The following MNAT1 variants were observed in gnomAD, a reference collection of about 807,000 sequenced individuals.
The protein encoded by MNAT1 is MNAT1 component of CDK activating kinase.
Under a neutral mutation model 42.0 loss-of-function variants are expected in MNAT1, and 43 were observed. That is an observed-to-expected ratio of 1.02 (90% CI 0.80 to 1.32). The LOEUF (loss-of-function observed/expected upper bound fraction) is 1.32. Ranked by LOEUF, MNAT1 falls within the 40% of genes most tolerant of loss-of-function variation. The pLI is 0.00. For synonymous variants in MNAT1, 118 were observed against 120.0 expected, an observed-to-expected ratio of 0.98 and a Z score of 0.11; for missense variants, 306 against 350.4, an observed-to-expected ratio of 0.87 and a Z score of 1.01.
At chr14:60,838,043 C>T (rs1278714635) in intron 6 of MNAT1, among the ~76,000 whole-genome samples, 4 of 152,230 alleles carry the variant, frequency 2.6e-5, no homozygotes, top group East Asian at 3.9e-4. Flanking sequence ...TATGACCTCT[C>T]ACTTTTTTTT....
chr14:60,813,461 G>A (rs2032618471), intron 5 of MNAT1, among the ~76,000 whole-genome samples: 1 of 152,150 alleles, frequency 6.6e-6, no homozygotes, highest in African/African-American at 2.4e-5. Flanking sequence ...TCACATGTTG[G>A]CTCAGGGTTA....
Position 60,798,137 on chromosome 14 carries a change from T to G in MNAT1, c.293T>G (p.Phe98Cys), listed in dbSNP as rs763248321. ...DFPSLREYND[F>C]LEEVEEIVFN... The stretch of plus-strand genomic sequence containing the variant: ...CCTAGTCTAAGAGAATACAATGATT[T>G]CTTGGAAGAAGTGGAAGAAATTGGT... Residue 98 changes from phenylalanine (F) to cysteine (C), a missense_variant, in exon 3 of 8, where the codon TTC (phenylalanine) becomes TGC (cysteine). Transcript: ENST00000261245. 6.6e-7 allele frequency: 1 copy of G among 1,518,752 alleles called. No individual in the cohort carries two copies. Among genetic ancestry groups the G allele is most frequent in the Non-Finnish European group, 9.1e-7 (1 of 1,096,054 alleles). 94.1% of individuals were successfully genotyped at this position (1,518,752 alleles called of 1,614,324 possible). A position where few individuals can be genotyped will look rare whatever the true frequency, so the allele number is the denominator to read the frequency against.
rs181394962 is a variant in MNAT1 at position 60,817,353 on chromosome 14, G to A, written c.562-1369G>A. Among the ~76,000 whole-genome samples, 37 of 151,734 alleles carry A rather than the reference G, an allele frequency of 2.4e-4. No individual in the cohort carries two copies. The South Asian group carries it at 2.9e-3, about 12-fold the overall frequency. On this transcript the variant is annotated intron_variant, in intron 5 of 7. Transcript: ENST00000261245. ...AAAGGTATTCTAGTATATTCTCCTC[G>A]TACTATATTTCATCACTTTTCCTTC...
intron 5 of MNAT1, among the ~76,000 whole-genome samples, chr14:60,818,453 T>C (rs1261442787): frequency 6.6e-6 from 1 of 152,018 alleles, no homozygotes; most frequent in Non-Finnish European, 1.5e-5. Flanking sequence ...TTTTTCGTTT[T>C]AATAAATGTG....
At chr14:60,961,771 A>C (rs964354125) in intron 7 of MNAT1, among the ~76,000 whole-genome samples, 4 of 152,118 alleles carry the variant, frequency 2.6e-5, no homozygotes, top group Non-Finnish European at 4.4e-5. Context: ...AATGAGCTGC[A>C]TGTATCTAAA....
chr14:60,861,089 A>G (rs568756918), intron 6 of MNAT1, among the ~76,000 whole-genome samples: 1 of 152,274 alleles, frequency 6.6e-6, no homozygotes, highest in Admixed American at 6.5e-5. Context: ...TATAGATATT[A>G]TCAATTTTTA....
chr14:60,914,561 A>AC (rs386381524), intron 7 of MNAT1, among the ~76,000 whole-genome samples: 2 of 151,426 alleles, frequency 1.3e-5, no homozygotes, highest in Non-Finnish European at 2.9e-5. Context: ...TATGGTAAAA[A>AC]AAAAAATCTG....
chr14:60,772,076 C>T (rs1416210824), intron 1 of MNAT1, among the ~76,000 whole-genome samples: 1 of 152,140 alleles, frequency 6.6e-6, no homozygotes, highest in African/African-American at 2.4e-5. Flanking sequence ...TTTTTAAGGG[C>T]TCTAAGATTA....
chr14:60,818,715 C>A lies in MNAT1; in HGVS notation c.562-7C>A. ...CATTTCTTATTGAACTTGAACTATTCTTACAGGAGAGTTCTGATCTCCCTG... is the reference window on the plus strand; with the variant it reads ...CATTTCTTATTGAACTTGAACTATTATTACAGGAGAGTTCTGATCTCCCTG... On this transcript the variant is annotated splice_polypyrimidine_tract_variant and splice_region_variant and intron_variant, in intron 5 of 7. Coordinates refer to ENST00000261245, the MANE Select transcript of MNAT1 (RefSeq NM_002431.4). 1 of 1,582,044 alleles carries A rather than the reference C, an allele frequency of 6.3e-7. No individual in the cohort carries two copies.
chr14:60,946,685 ACTT>A (rs1441527076), intron 7 of MNAT1, among the ~76,000 whole-genome samples: 1 of 152,046 alleles, frequency 6.6e-6, no homozygotes, highest in African/African-American at 2.4e-5. Flanking sequence ...TTTTTTAGGC[ACTT>A]CTTGTATATC....
In MNAT1 at chr14:60,968,386, G is replaced by A; in HGVS notation, c.*37G>A. ...ATTTGGACCTTGGAGCTGAACCAGG[G>A]AGCTAGCAAAAGTAAAGCAGACTTA... On this transcript the variant is annotated 3_prime_UTR_variant, in exon 8 of 8. Coordinates refer to ENST00000261245, the MANE Select transcript of MNAT1 (RefSeq NM_002431.4). 6.3e-7 allele frequency: 1 copy of A among 1,595,022 alleles called. No homozygotes were observed. The highest frequency in any genetic ancestry group is 8.5e-7 in the Non-Finnish European group (1 of 1,173,606).
chr14:60,860,391 C>T (rs796417141), intron 6 of MNAT1, among the ~76,000 whole-genome samples: 39 of 119,596 alleles, frequency 3.3e-4, no homozygotes, highest in African/African-American at 1.2e-3. Flanking sequence ...CTTACTCTGT[C>T]GCCTAGGCTG....
intron 6 of MNAT1, among the ~76,000 whole-genome samples, chr14:60,869,038 A>ATTTTT (rs1328532787): frequency 9.8e-5 from 9 of 91,976 alleles, no homozygotes; most frequent in East Asian, 3.7e-4. Context: ...ATATATATAT[A>ATTTTT]TATTTTTTTT....
chr14:60,874,392 C>T (rs2034392333), intron 6 of MNAT1, among the ~76,000 whole-genome samples: 1 of 152,090 alleles, frequency 6.6e-6, no homozygotes, highest in Non-Finnish European at 1.5e-5. Context: ...TATCGCTGTC[C>T]TCCCCATTGC....
intron 7 of MNAT1, among the ~76,000 whole-genome samples, chr14:60,939,640 C>G (rs983333484): frequency 1.3e-5 from 2 of 152,116 alleles, no homozygotes; most frequent in Non-Finnish European, 2.9e-5. Context: ...CTGAGGAGTG[C>G]TTTACTTCCA....
rs138301450 is a variant in MNAT1, at chr14:60,795,914, C to T, written c.90-303C>T. ...GGGGATGGAGGTGACCATACAGTAGCCTTTTACATGCTCTTTGACTTCTCC... is the reference window on the plus strand; with the variant it reads ...GGGGATGGAGGTGACCATACAGTAGTCTTTTACATGCTCTTTGACTTCTCC... On this transcript the variant is annotated intron_variant, in intron 1 of 7. Transcript: ENST00000261245. 4.5e-3 allele frequency among the ~76,000 whole-genome samples: 683 copies of T among 152,260 alleles called. 9 individuals carry two copies. The highest frequency in any genetic ancestry group is 0.015 in the African/African-American group (610 of 41,556).
chr14:60,837,415 G>T (rs1200439656), intron 6 of MNAT1, among the ~76,000 whole-genome samples: 2 of 152,198 alleles, frequency 1.3e-5, no homozygotes, highest in Non-Finnish European at 2.9e-5. Flanking sequence ...TAGTATCTTG[G>T]CTGGAGGGCA....
At chr14:60,914,564 A>AAAG (rs967660513) in intron 7 of MNAT1, among the ~76,000 whole-genome samples, 5 of 151,554 alleles carry the variant, frequency 3.3e-5, no homozygotes, top group African/African-American at 1.2e-4. Context: ...GGTAAAAAAA[A>AAAG]AAATCTGTTC....
At chr14:60,843,161 A>G (rs1405863471) in intron 6 of MNAT1, among the ~76,000 whole-genome samples, 1 of 152,190 alleles carries the variant, frequency 6.6e-6, no homozygotes, top group Non-Finnish European at 1.5e-5. Context: ...AATGTTGTCA[A>G]TCTTTTTAAT....
Sources: allele counts gnomAD v4.1 joint callset (sites outside exome capture counted in the v4.1 genomes callset), GRCh38; gene constraint gnomAD v4.1.1; transcripts MANE v1.5; gene names NCBI Gene and HGNC (gene_info 2026-07-23, HGNC 2026-07-21).